Variants in AATK observed in about 807,000 individuals in gnomAD.
The protein encoded by AATK is serine/threonine-protein kinase LMTK1.
AATK carries 91 observed loss-of-function variants against 114.3 expected under a neutral mutation model. That is an observed-to-expected ratio of 0.80 (90% confidence interval 0.67 to 0.95). The LOEUF (loss-of-function observed/expected upper bound fraction) is 0.95, where lower values mean the gene tolerates loss of function less well. Ranked by LOEUF, AATK falls within the 40% of genes least tolerant of loss-of-function variation. The pLI is 0.00. For missense variants in AATK, 2,176 were observed against 1,965.2 expected (o/e 1.11, Z -2.03); for synonymous variants, 1,075 against 916.5 (o/e 1.17, Z -3.12).
chr17:81,119,353 T>A lies in AATK; in HGVS notation c.4084+27A>T, dbSNP rs200166216. 53 of 325,946 alleles carry A rather than the reference T, an allele frequency of 1.6e-4. No homozygotes were observed. The African/African-American group carries it at 2.6e-3, about 16-fold the overall frequency. The allele number at this position is 325,946 out of a possible 1,614,324, so 20.2% of individuals were successfully genotyped here. On this transcript the variant is annotated intron_variant, in intron 13 of 13. Transcript: ENST00000326724. ...CCGTGCCCTGCCTCCCGCGTGCCCT[T>A]CTGCCACAGCCCCGCCCAGGCCTCA...
At chr17:81,160,309 G>A (rs2061415182) in intron 1 of AATK, 4 of 919,638 alleles carry the variant, frequency 4.3e-6, no homozygotes, top group Non-Finnish European at 3.9e-6. Context: ...GAGGACCCCA[G>A]CCCGCCCCAG....
chr17:81,139,892 G>C (rs574061402), intron 1 of AATK, among the ~76,000 whole-genome samples: 6 of 152,334 alleles, frequency 3.9e-5, no homozygotes, highest in African/African-American at 1.4e-4. Context: ...GTCCACACAA[G>C]GAACCAGGGC....
chr17:81,120,914 T>TGGCCTC lies in AATK; in HGVS notation c.3016_3021dup (p.Glu1006_Ala1007dup), dbSNP rs770888749. 2.5e-6 allele frequency: 4 copies of TGGCCTC among 1,596,924 alleles called. No homozygotes were observed. The highest frequency in any genetic ancestry group is 2.7e-5 in the African/African-American group (2 of 74,540). On this transcript the variant is annotated inframe_insertion, in exon 11 of 14. Coordinates refer to ENST00000326724, the MANE Select transcript of AATK (RefSeq NM_001080395.3). ...CCGCACTTCTTCTCTGGGCCTGAGG[T>TGGCCTC]GGCCTCGGCCTCAGCCTCGAGGTCT...
rs948328997 is a variant in AATK, at chr17:81,120,787, G to C, written c.3149C>G (p.Ser1050Cys). ...RPGVSGEAQGSGPGEVLPPLL... is the reference protein window; with the variant it reads ...RPGVSGEAQGCGPGEVLPPLL... ...TGGGGGCAGCACCTCCCCGGGGCCA[G>C]AGCCTTGTGCCTCCCCGGAAACCCC... The change falls in exon 11 of 14, where the codon TCT becomes TGT. Residue 1050 changes from serine (S) to cysteine (C), a missense_variant. Physicochemically the swap from Ser to Cys is moderately radical, Grantham distance 112. Transcript: ENST00000326724. 15 of 1,567,812 alleles carry C rather than the reference G, an allele frequency of 9.6e-6. No homozygotes were observed. Among genetic ancestry groups the C allele is most frequent in the Non-Finnish European group, 1.0e-5 (12 of 1,156,990 alleles).
intron 2 of AATK, chr17:81,133,411 T>C: frequency 3.0e-6 from 1 of 331,494 alleles, no homozygotes; most frequent in East Asian, 9.9e-5. Flanking sequence ...AGCTGAGTCA[T>C]GGGTCACTTA....
At chr17:81,142,081 A>C (rs1332933954) in intron 1 of AATK, among the ~76,000 whole-genome samples, 3 of 151,526 alleles carry the variant, frequency 2.0e-5, no homozygotes, top group African/African-American at 7.3e-5. Flanking sequence ...TCAGCCCCCC[A>C]AGTAGCTGGG....
At chr17:81,128,829 G>C (rs2060887744) in intron 3 of AATK, 1 of 1,236,896 alleles carries the variant, frequency 8.1e-7, no homozygotes, top group Middle Eastern at 3.4e-4. Context: ...GCCCGGCCAG[G>C]GACAGCAGGG....
chr17:81,161,067 G>T (rs2061424828), intron 1 of AATK, among the ~76,000 whole-genome samples: 1 of 152,146 alleles, frequency 6.6e-6, no homozygotes, highest in Admixed American at 6.5e-5. Context: ...TCTCAGGATG[G>T]AGTCAGAGGC....
chr17:81,131,974 C>G (rs1287354289), intron 2 of AATK: 1 of 1,325,428 alleles, frequency 7.5e-7, no homozygotes, highest in Non-Finnish European at 1.0e-6. Context: ...GCTCCCAGAA[C>G]TCCTTAAGAG....
Position 81,121,053 on chromosome 17 carries a change from C to T in AATK, c.2883G>A (p.Gln961=). The T allele has an allele frequency of 6.2e-7, 1 of 1,609,232 alleles. No individual in the cohort carries two copies. Among genetic ancestry groups the T allele is most frequent in the Non-Finnish European group, 8.5e-7 (1 of 1,178,440 alleles). The change falls in exon 11 of 14, where the codon CAG becomes CAA. Residue 961 remains glutamine, a synonymous_variant. Transcript: ENST00000326724. The part of the protein sequence containing the change: ...LKEAQEGCEP[Q]AFAELASEGE... ...CCTCTGAGGCCAGCTCCGCAAAGGC[C>T]TGGGGCTCACACCCTTCCTGCGCCT...
intron 1 of AATK, among the ~76,000 whole-genome samples, chr17:81,152,126 A>G (rs2061307132): frequency 6.6e-6 from 1 of 152,018 alleles, no homozygotes; most frequent in African/African-American, 2.4e-5. Flanking sequence ...AATACAAAAA[A>G]TATTAGCAGG....
At chr17:81,138,282 C>G (rs1033578095) in intron 1 of AATK, among the ~76,000 whole-genome samples, 2 of 146,206 alleles carry the variant, frequency 1.4e-5, no homozygotes, top group African/African-American at 2.5e-5. Context: ...CACGTGCACA[C>G]CCACCCACAC....
intron 2 of AATK, chr17:81,131,977 C>T (rs1490057889): frequency 1.5e-6 from 2 of 1,323,070 alleles, no homozygotes; most frequent in Non-Finnish European, 2.0e-6. Context: ...CCCAGAACTC[C>T]TTAAGAGCCT....
Position 81,122,574 on chromosome 17 carries a change from C to A in AATK, c.1362G>T (p.Ala454=). The change falls in exon 11 of 14, where the codon GCG becomes GCT. Residue 454 remains alanine (A), a synonymous_variant. Coordinates refer to ENST00000326724, the MANE Select transcript of AATK (RefSeq NM_001080395.3). ...ASSFPLLEQF[A]GDGFHADGDD... ...CGCCGTCCGCGTGGAAGCCGTCGCC[C>A]GCGAACTGCTCCAGCAGCGGGAAGG... 6.9e-7 allele frequency: 1 copy of A among 1,459,420 alleles called. No individual in the cohort carries two copies. The highest frequency in any genetic ancestry group is 9.1e-7 in the Non-Finnish European group (1 of 1,098,960). The allele number at this position is 1,459,420 out of a possible 1,614,324, so 90.4% of individuals were successfully genotyped here. A position where few individuals can be genotyped will look rare whatever the true frequency, so the allele number is the denominator to read the frequency against.
intron 3 of AATK, 41 bp downstream of exon 3, chr17:81,131,020 C>A: frequency 2.0e-6 from 3 of 1,536,438 alleles, no homozygotes; most frequent in Non-Finnish European, 2.6e-6. Context: ...AGCACCTGGG[C>A]CCCGGAGGGA....
Position 81,126,894 on chromosome 17 carries a change from G to C in AATK, c.622-334C>G. On this transcript the variant is annotated intron_variant, in intron 6 of 13. Transcript: ENST00000326724. The surrounding 1 kb of genome is among the most constrained non-coding windows in gnomAD (Gnocchi z 5.1). ...TGGGGCTGGTGGTCGAGGGTTGGCCGGCAGCCCCTGACCTGCCGAAAGCCC... is the reference window on the plus strand; with the variant it reads ...TGGGGCTGGTGGTCGAGGGTTGGCCCGCAGCCCCTGACCTGCCGAAAGCCC... 1 of 1,133,432 alleles carries C rather than the reference G, an allele frequency of 8.8e-7. No homozygotes were observed. Among genetic ancestry groups the C allele is most frequent in the Non-Finnish European group, 1.1e-6 (1 of 915,718 alleles). 70.2% of individuals were successfully genotyped at this position (1,133,432 alleles called of 1,614,324 possible).
In AATK at chr17:81,120,004, C is replaced by T; in HGVS notation, c.3815G>A (p.Gly1272Asp). Reference protein sequence around the residue: ...SPPTFLRGSPGSPSAPNRPQQ... With the variant: ...SPPTFLRGSPDSPSAPNRPQQ... The stretch of plus-strand genomic sequence containing the variant: ...CGGCCGGTTGGGGGCGCTGGGAGAG[C>T]CGGGGCTCCCCCTAAGGAACGTAGG... The change falls in exon 12 of 14, where the codon GGC (glycine) becomes GAC (aspartate). Residue 1272 changes from glycine (G) to aspartate (D), a missense_variant. Transcript: ENST00000326724. The T allele has an allele frequency of 1.4e-6, 2 of 1,446,944 alleles. No individual in the cohort carries two copies. The highest frequency in any genetic ancestry group is 2.7e-5 in the East Asian group (1 of 37,258). 89.6% of individuals were successfully genotyped at this position (1,446,944 alleles called of 1,614,324 possible).
At chr17:81,133,473 C>A (rs1598934261) in intron 2 of AATK, 2 of 277,544 alleles carry the variant, frequency 7.2e-6, no homozygotes, top group East Asian at 3.0e-4. Context: ...CTGCAGAATG[C>A]CTCCTCCCAC....
At position 81,118,438 on chromosome 17, in the gene AATK, A is replaced by G. The variant is rs1179450200; in HGVS notation, c.4089T>C (p.Pro1363=). ...TACTCTCACCCCCGGCACCAGCTTC[A>G]GGTCCTGGCAAGCAGGACAACAAAG... ...SDSDAESKRG[P]EAGAGGESKE... is the part of the protein sequence containing the mutation. Residue 1363 remains proline (P), a synonymous_variant, in exon 14 of 14, where the codon CCT becomes CCC. Transcript: ENST00000326724. 2 of 1,607,132 alleles carry G rather than the reference A, an allele frequency of 1.2e-6. No homozygotes were observed. The highest frequency in any genetic ancestry group is 1.3e-5 in the African/African-American group (1 of 74,860).
Sources: gnomAD v4.1 joint callset for allele counts (sites outside exome capture counted in the v4.1 genomes callset) on GRCh38, gnomAD v4.1.1 for gene constraint, Gnocchi (gnomAD v3.1) non-coding constraint, MANE v1.5 for transcripts, NCBI Gene and HGNC (gene_info 2026-07-23, HGNC 2026-07-21) for gene names.